ADIPOR1: variants seen among roughly 807,000 people sequenced by gnomAD.
ADIPOR1 encodes adiponectin receptor 1, also known as adiponectin receptor protein 1.
In ADIPOR1, 15 loss-of-function variants were observed where a neutral mutation model predicts 37.5. That is an observed-to-expected ratio of 0.40 (90% CI 0.27 to 0.62). ADIPOR1 has a LOEUF of 0.62. Among genes scored for constraint, ADIPOR1 ranks in the 20% least tolerant of loss-of-function variants. The pLI, the probability that ADIPOR1 is intolerant of heterozygous loss-of-function variation, is 0.42. For synonymous variants in ADIPOR1, 173 were observed against 173.2 expected, an observed-to-expected ratio of 1.00 and a Z score of 0.01; for missense variants, 286 against 478.0, an observed-to-expected ratio of 0.60 and a Z score of 3.75.
intron 1 of ADIPOR1, among the ~76,000 whole-genome samples, chr1:202,957,092 G>A (rs1215821648): frequency 6.6e-6 from 1 of 152,084 alleles, no homozygotes; most frequent in Non-Finnish European, 1.5e-5. Flanking sequence ...GCTGCAAGCC[G>A]GTACCCTGAC....
chr1:202,943,616 G>C (rs1334913341), intron 6 of ADIPOR1, 142 bp downstream of exon 6: 1 of 886,452 alleles, frequency 1.1e-6, no homozygotes, highest in East Asian at 2.6e-5. Flanking sequence ...CTTTGAAATT[G>C]ATGCTGTTTT....
At chr1:202,957,704 C>T (rs976733900) in intron 1 of ADIPOR1, among the ~76,000 whole-genome samples, 4 of 152,198 alleles carry the variant, frequency 2.6e-5, no homozygotes, top group African/African-American at 9.6e-5. Context: ...ACTTGACCTG[C>T]CAAAGATTGT....
At chr1:202,955,731 AGTGCT>A (rs1654758623) in intron 1 of ADIPOR1, among the ~76,000 whole-genome samples, 1 of 152,110 alleles carries the variant, frequency 6.6e-6, no homozygotes, top group South Asian at 2.1e-4. Flanking sequence ...AGCCTCCCAA[AGTGCT>A]GGGATTACAG....
intron 1 of ADIPOR1, among the ~76,000 whole-genome samples, chr1:202,953,674 TAAGACACTGTGCAAAATAC>T (rs67627073): frequency 0.32 from 49,193 of 151,710 alleles, 8,558 homozygotes; most frequent in African/African-American, 0.45. Context: ...TAAGGCATTC[TAAGACACTGTGCAAAATAC>T]AAGACACTGT....
chr1:202,948,451 G>T, intron 2 of ADIPOR1, 31 bp from the exon 3 acceptor site: 1 of 1,583,816 alleles, frequency 6.3e-7, no homozygotes, highest in Non-Finnish European at 8.7e-7. Context: ...AACAATCCAG[G>T]GAGTCATCTC....
At chr1:202,948,743 T>C (rs767728635) in intron 2 of ADIPOR1, among the ~76,000 whole-genome samples, 1 of 152,118 alleles carries the variant, frequency 6.6e-6, no homozygotes, top group African/African-American at 2.4e-5. Flanking sequence ...TTCTTAACTT[T>C]CCTCAGTTTC....
rs1351828923 is a variant in ADIPOR1, at chr1:202,958,253, C to A, written c.-163G>T. 1 of 151,868 alleles carries A rather than the reference C, an allele frequency of 6.6e-6. No individual in the cohort carries two copies. Among genetic ancestry groups the A allele is most frequent in the East Asian group, 1.9e-4 (1 of 5,154 alleles). The allele number at this position is 151,868 out of a possible 1,614,324, so 9.4% of individuals were successfully genotyped here. Reference sequence around the variant, plus strand: ...TACATCCCGCGGCGCTGGAGGCGGCCTGCGGCCGAGCGGCCCCGATCTTCA... The same window carrying A: ...TACATCCCGCGGCGCTGGAGGCGGCATGCGGCCGAGCGGCCCCGATCTTCA... On this transcript the variant is annotated 5_prime_UTR_variant, in exon 1 of 8. The change creates a new upstream start codon in the 5' untranslated region. Transcript: ENST00000340990.
At chr1:202,950,853 C>T in intron 2 of ADIPOR1, 77 bp downstream of exon 2, 2 of 1,577,736 alleles carry the variant, frequency 1.3e-6, no homozygotes, top group Non-Finnish European at 8.7e-7. Context: ...GGACGGTGAG[C>T]TCTTAAAAAA....
chr1:202,947,043 CG>C (rs1478560124), intron 3 of ADIPOR1, among the ~76,000 whole-genome samples: 1 of 151,700 alleles, frequency 6.6e-6, no homozygotes, highest in Admixed American at 6.6e-5. Context: ...TTGAACCTGG[CG>C]GGCGGGGGTT....
chr1:202,957,697 T>G (rs1654837624), intron 1 of ADIPOR1, among the ~76,000 whole-genome samples: 1 of 152,166 alleles, frequency 6.6e-6, no homozygotes, highest in South Asian at 2.1e-4. Context: ...TGTCAGGACT[T>G]GACCTGCCAA....
chr1:202,952,256 C>A (rs913270759), intron 1 of ADIPOR1, among the ~76,000 whole-genome samples: 5 of 152,086 alleles, frequency 3.3e-5, no homozygotes, highest in African/African-American at 1.2e-4. Flanking sequence ...CATTGGTTAC[C>A]CAAGCCCCAC....
In ADIPOR1 at chr1:202,942,051, A is replaced by G; in HGVS notation, c.973T>C (p.Phe325Leu). The G allele has an allele frequency of 5.6e-6, 9 of 1,612,896 alleles. No individual in the cohort carries two copies. In the South Asian group the frequency reaches 9.9e-5, roughly 18 times the overall value. Residue 325 changes from phenylalanine to leucine, a missense_variant, in exon 7 of 8, where the codon TTC (phenylalanine) becomes CTC (leucine). Transcript: ENST00000340990. ...GLYAARIPER[F>L]FPGKFDIWFQ... ...CATATGTCAAATTTTCCAGGAAAGA[A>G]GCGCTCAGGAATTCGAGCAGCATAA... is the stretch of plus-strand genomic sequence containing the variant.
At chr1:202,944,912 C>A in intron 5 of ADIPOR1, 71 bp downstream of exon 5, 1 of 1,420,372 alleles carries the variant, frequency 7.0e-7, no homozygotes, top group Non-Finnish European at 9.6e-7. Context: ...CTCCTATCAC[C>A]CAGTAAGCAC....
At position 202,941,505 on chromosome 1, in the gene ADIPOR1, A is replaced by G. The variant is rs1571558054; in HGVS notation, c.*68T>C. 6.5e-7 allele frequency: 1 copy of G among 1,542,792 alleles called. No homozygotes were observed. Among genetic ancestry groups the G allele is most frequent in the East Asian group, 2.3e-5 (1 of 43,938 alleles). On this transcript the variant is annotated 3_prime_UTR_variant, in exon 8 of 8. Transcript: ENST00000340990. ...ACAGACAACTCAGACTCTTCCTCTC[A>G]CTTCAGCAAAGAAGTTATTTTTAAA...
In ADIPOR1 at chr1:202,941,225, A is replaced by T. The variant is rs1336393501; in HGVS notation, c.*348T>A. On this transcript the variant is annotated 3_prime_UTR_variant, in exon 8 of 8. Transcript: ENST00000340990. ...GAGGGACATTTTCTTCCAGAAGAAA[A>T]GACAGAATTTCTGAAGAGTCCCAGT... The T allele has an allele frequency of 5.9e-6, 1 of 168,122 alleles. No individual in the cohort carries two copies. The highest frequency in any genetic ancestry group is 1.6e-4 in the East Asian group (1 of 6,132). The allele number at this position is 168,122 out of a possible 1,614,324, so 10.4% of individuals were successfully genotyped here. A position where few individuals can be genotyped will look rare whatever the true frequency, so the allele number is the denominator to read the frequency against.
intron 1 of ADIPOR1, among the ~76,000 whole-genome samples, chr1:202,953,818 G>A (rs1176642040): frequency 6.6e-6 from 1 of 152,180 alleles, no homozygotes; most frequent in Non-Finnish European, 1.5e-5. Context: ...GGAGGGCAGT[G>A]GAGGGAGAGA....
At chr1:202,955,062 A>C (rs1654726635) in intron 1 of ADIPOR1, among the ~76,000 whole-genome samples, 1 of 152,182 alleles carries the variant, frequency 6.6e-6, no homozygotes, top group African/African-American at 2.4e-5. Flanking sequence ...AGGCAGGATA[A>C]TTTCACAGCT....
At chr1:202,952,642 G>A (rs562414399) in intron 1 of ADIPOR1, among the ~76,000 whole-genome samples, 7 of 152,236 alleles carry the variant, frequency 4.6e-5, no homozygotes, top group South Asian at 4.1e-4. Context: ...TTGGGATTCC[G>A]GGACGTGCAC....
intron 3 of ADIPOR1, among the ~76,000 whole-genome samples, chr1:202,947,658 TTCTA>T (rs1654390055): frequency 6.6e-6 from 1 of 152,262 alleles, no homozygotes; most frequent in South Asian, 2.1e-4. Context: ...CTCCAGGAGA[TTCTA>T]TCTCATGTCT....
Sources: allele counts gnomAD v4.1 joint callset (sites outside exome capture counted in the v4.1 genomes callset), GRCh38; gene constraint gnomAD v4.1.1; transcripts MANE v1.5; gene names NCBI Gene and HGNC (gene_info 2026-07-23, HGNC 2026-07-21).